Variants in CYP7B1 observed in about 807,000 individuals in gnomAD.
CYP7B1 encodes cytochrome P450 family 7 subfamily B member 1.
In CYP7B1, 29 loss-of-function variants were observed where a neutral mutation model predicts 42.7. The ratio of observed to expected loss-of-function variants is 0.68; its 90% CI spans 0.51 to 0.93. The LOEUF is 0.93. Among genes scored for constraint, CYP7B1 ranks in the 40% least tolerant of loss-of-function variants. CYP7B1 has a pLI of 0.00. For missense variants in CYP7B1, 655 were observed against 600.5 expected, an observed-to-expected ratio of 1.09 and a Z score of -0.95; for synonymous variants, 235 against 218.2, an observed-to-expected ratio of 1.08 and a Z score of -0.68.
At chr8:64,620,246 CT>C in intron 2 of CYP7B1, among the ~76,000 whole-genome samples, 1 of 152,244 alleles carries the variant, frequency 6.6e-6, no homozygotes, top group African/African-American at 2.4e-5. Flanking sequence ...CTTTTCATCT[CT>C]GTGTTTAGGT....
At chr8:64,653,501 G>C (rs2129631249) in intron 1 of CYP7B1, among the ~76,000 whole-genome samples, 1 of 152,296 alleles carries the variant, frequency 6.6e-6, no homozygotes, top group East Asian at 1.9e-4. Context: ...AACTGAATCA[G>C]TAGTAAATAG....
intron 1 of CYP7B1, among the ~76,000 whole-genome samples, chr8:64,667,559 T>G (rs1243015944): frequency 6.6e-6 from 1 of 152,180 alleles, no homozygotes; most frequent in East Asian, 1.9e-4. Context: ...TAATAATAAC[T>G]ATTATTATCT....
At position 64,592,186 on chromosome 8, in the gene CYP7B1, TAA is replaced by T. The variant is rs747238529; in HGVS notation, c.*4454_*4455del. On this transcript the variant is annotated 3_prime_UTR_variant, in exon 6 of 6. Coordinates refer to ENST00000310193, the MANE Select transcript of CYP7B1 (RefSeq NM_004820.5). ...CTGGGCGACAGAGCAAGACTCCATC[TAA>T]AAAAAAAAAAGGATGGGATTTTACA... 2.8e-5 allele frequency among the ~76,000 whole-genome samples: 4 copies of T among 140,788 alleles called. No individual in the cohort carries two copies. The highest frequency in any genetic ancestry group is 7.1e-5 in the Admixed American group (1 of 14,062). 92.4% of individuals were successfully genotyped at this position (140,788 alleles called of 152,430 possible). A position where few individuals can be genotyped will look rare whatever the true frequency, so the allele number is the denominator to read the frequency against.
At chr8:64,762,700 C>G (rs990795499) in intron 1 of CYP7B1, among the ~76,000 whole-genome samples, 1 of 152,172 alleles carries the variant, frequency 6.6e-6, no homozygotes, top group African/African-American at 2.4e-5. Context: ...GGCCATTATT[C>G]ACATAAAAGT....
At chr8:64,753,833 C>T (rs541610134) in intron 1 of CYP7B1, among the ~76,000 whole-genome samples, 10 of 152,316 alleles carry the variant, frequency 6.6e-5, no homozygotes, top group Non-Finnish European at 1.3e-4. Flanking sequence ...CTTGACCCCA[C>T]TGTAAGAATG....
At position 64,592,142 on chromosome 8, in the gene CYP7B1, C is replaced by T. The variant is rs539642109; in HGVS notation, c.*4500G>A. Among the ~76,000 whole-genome samples the T allele has an allele frequency of 1.6e-3, 235 of 151,436 alleles. No homozygotes were observed. The highest frequency in any genetic ancestry group is 5.4e-3 in the African/African-American group (224 of 41,234). On this transcript the variant is annotated 3_prime_UTR_variant, in exon 6 of 6. Coordinates refer to ENST00000310193, the MANE Select transcript of CYP7B1 (RefSeq NM_004820.5). ...AGTGGAGGTTGCAGTGAGCTGAGAT[C>T]ATGCCACTGGACTCCAGCCTGGGCG...
chr8:64,764,728 G>A (rs1271955244), intron 1 of CYP7B1, among the ~76,000 whole-genome samples: 1 of 152,112 alleles, frequency 6.6e-6, no homozygotes, highest in Non-Finnish European at 1.5e-5. Context: ...ACCTTTAGAG[G>A]AAAACTCATT....
chr8:64,699,666 G>T (rs1371611002), intron 1 of CYP7B1, among the ~76,000 whole-genome samples: 1 of 151,704 alleles, frequency 6.6e-6, no homozygotes, highest in East Asian at 1.9e-4. Context: ...TCCATTTTTT[G>T]CTTAGTGTGA....
At chr8:64,718,392 C>T (rs905930104) in intron 1 of CYP7B1, among the ~76,000 whole-genome samples, 4 of 152,124 alleles carry the variant, frequency 2.6e-5, no homozygotes, top group Non-Finnish European at 4.4e-5. Context: ...CCCAGTACTG[C>T]TCGTCAGGAC....
In CYP7B1 at chr8:64,597,997, T is replaced by C. The variant is rs575702942; in HGVS notation, c.1234-1068A>G. Among the ~76,000 whole-genome samples, 33 of 152,376 alleles carry C rather than the reference T, an allele frequency of 2.2e-4. No homozygotes were observed. In the South Asian group the frequency reaches 6.2e-3, roughly 29 times the overall value. On this transcript the variant is annotated intron_variant, in intron 5 of 5. Coordinates refer to ENST00000310193, the MANE Select transcript of CYP7B1 (RefSeq NM_004820.5). ...GATTCTGAATTCATCACAAATGATT[T>C]ACTTTTCTCACTCAAAGCCAGTGTT...
chr8:64,667,697 A>G (rs532503778), intron 1 of CYP7B1, among the ~76,000 whole-genome samples: 40 of 152,318 alleles, frequency 2.6e-4, no homozygotes, highest in African/African-American at 9.4e-4. Context: ...TTAGGTCACT[A>G]TGTTTTTTAT....
chr8:64,602,905 C>T (rs1050014548), intron 5 of CYP7B1, among the ~76,000 whole-genome samples: 6 of 152,146 alleles, frequency 3.9e-5, no homozygotes, highest in African/African-American at 1.2e-4. Flanking sequence ...AAAACCTTCC[C>T]AAATTCTATA....
intron 1 of CYP7B1, among the ~76,000 whole-genome samples, chr8:64,671,705 T>A (rs1806370073): frequency 6.6e-6 from 1 of 152,058 alleles, no homozygotes; most frequent in Admixed American, 6.6e-5. Context: ...ATAAATTATA[T>A]ACATATACAA....
intron 1 of CYP7B1, among the ~76,000 whole-genome samples, chr8:64,709,850 T>C (rs1315147462): frequency 6.6e-6 from 1 of 152,210 alleles, no homozygotes; most frequent in Admixed American, 6.5e-5. Context: ...AGGATTTGAT[T>C]TCTGTGTTAA....
chr8:64,658,878 C>T (rs1806160567), intron 1 of CYP7B1, among the ~76,000 whole-genome samples: 1 of 152,138 alleles, frequency 6.6e-6, no homozygotes, highest in South Asian at 2.1e-4. Flanking sequence ...CTTTCAAGTA[C>T]CTAATTTTAC....
In CYP7B1 at chr8:64,673,661, T is replaced by G. The variant is rs572101569; in HGVS notation, c.123-49122A>C. Among the ~76,000 whole-genome samples, 261 of 152,226 alleles carry G rather than the reference T, an allele frequency of 1.7e-3. 2 individuals are homozygous for G. The highest frequency in any genetic ancestry group is 6.1e-3 in the African/African-American group (255 of 41,544). ...AGGTAATTCATGATTCTATTAATTG[T>G]TTGTTCTTTCCTGCTCTGAGTAAGA... On this transcript the variant is annotated intron_variant, in intron 1 of 5. Transcript: ENST00000310193.
At chr8:64,716,821 CAGTT>C (rs1217072718) in intron 1 of CYP7B1, among the ~76,000 whole-genome samples, 2 of 152,188 alleles carry the variant, frequency 1.3e-5, no homozygotes, top group Non-Finnish European at 2.9e-5. Flanking sequence ...CTCTTAATGT[CAGTT>C]AGACTAAGGT....
chr8:64,665,559 G>GTTTTTTTTTTTT lies in CYP7B1; in HGVS notation c.123-41032_123-41021dup, dbSNP rs540578806. 6.1e-4 allele frequency among the ~76,000 whole-genome samples: 32 copies of GTTTTTTTTTTTT among 52,042 alleles called. 3 individuals are homozygous for GTTTTTTTTTTTT. The highest frequency in any genetic ancestry group is 7.0e-4 in the Non-Finnish European group (22 of 31,364). 34.1% of individuals were successfully genotyped at this position (52,042 alleles called of 152,430 possible). A position where few individuals can be genotyped will look rare whatever the true frequency, so the allele number is the denominator to read the frequency against. The stretch of plus-strand genomic sequence containing the variant: ...ATTTTAAGTGTTTTTTTTTTTGGTG[G>GTTTTTTTTTTTT]TTTTTTTTTTTTTTTTTTTTTTTTT... On this transcript the variant is annotated intron_variant, in intron 1 of 5. Coordinates refer to ENST00000310193, the MANE Select transcript of CYP7B1 (RefSeq NM_004820.5).
intron 1 of CYP7B1, among the ~76,000 whole-genome samples, chr8:64,698,839 G>C (rs1172171568): frequency 3.9e-5 from 6 of 152,154 alleles, no homozygotes; most frequent in Non-Finnish European, 7.4e-5. Context: ...GTGTGTTATA[G>C]TTTTAAAGAC....
Sources: allele counts gnomAD v4.1 joint callset (sites outside exome capture counted in the v4.1 genomes callset), GRCh38; gene constraint gnomAD v4.1.1; transcripts MANE v1.5; gene names NCBI Gene and HGNC (gene_info 2026-07-23, HGNC 2026-07-21).